Variants in STK32B observed in about 807,000 individuals in gnomAD.
The protein encoded by STK32B is serine/threonine-protein kinase 32B.
Under a neutral mutation model 52.6 loss-of-function variants are expected in STK32B, and 43 were observed. The ratio of observed to expected loss-of-function variants is 0.82; its 90% CI spans 0.64 to 1.05. The LOEUF (loss-of-function observed/expected upper bound fraction) is 1.05. Ranked by LOEUF, STK32B falls within the 50% of genes least tolerant of loss-of-function variation. The pLI is 0.00. For missense variants in STK32B, 621 were observed against 534.6 expected (o/e 1.16, Z -1.59); for synonymous variants, 238 against 204.3 (o/e 1.17, Z -1.41).
At chr4:5,075,863 A>G (rs1712041432) in intron 1 of STK32B, among the ~76,000 whole-genome samples, 2 of 152,174 alleles carry the variant, frequency 1.3e-5, no homozygotes, top group South Asian at 4.1e-4. Flanking sequence ...TACCTTGCAC[A>G]GTGCAGGGGT....
intron 4 of STK32B, among the ~76,000 whole-genome samples, chr4:5,382,490 C>A (rs1189106741): frequency 6.6e-6 from 1 of 152,036 alleles, no homozygotes; most frequent in African/African-American, 2.4e-5. Context: ...CATCTGTGTC[C>A]TCCTTCCCCT....
intron 11 of STK32B, among the ~76,000 whole-genome samples, chr4:5,497,505 C>T (rs546118987): frequency 1.5e-4 from 23 of 152,334 alleles, no homozygotes; most frequent in African/African-American, 5.5e-4. Flanking sequence ...ACCACCTTTC[C>T]CAGTTGCCCT....
At chr4:5,117,889 TC>T (rs1714823383) in intron 1 of STK32B, among the ~76,000 whole-genome samples, 1 of 152,218 alleles carries the variant, frequency 6.6e-6, no homozygotes. Flanking sequence ...CATCCCAGCA[TC>T]CCAGGGATAA....
chr4:5,420,751 G>C (rs1712559487), intron 6 of STK32B, among the ~76,000 whole-genome samples: 1 of 152,172 alleles, frequency 6.6e-6, no homozygotes, highest in Non-Finnish European at 1.5e-5. Context: ...AGAGATGCCA[G>C]GTAAGGGCAG....
rs542421012 is a variant in STK32B, at chr4:5,228,954, C to T, written c.260+60504C>T. On this transcript the variant is annotated intron_variant, in intron 3 of 11. Coordinates refer to ENST00000282908, the MANE Select transcript of STK32B (RefSeq NM_018401.3). ...TGCACTCCAGCTTGGGTGACAAGTG[C>T]GAAACTCCGTCTCAAAAGAAAAAAA... is the stretch of plus-strand genomic sequence containing the variant. 1.8e-4 allele frequency among the ~76,000 whole-genome samples: 28 copies of T among 151,838 alleles called. 1 individual carries two copies. The South Asian group carries it at 4.8e-3, about 26-fold the overall frequency.
chr4:5,022,578 A>G, the STK32B span, among the ~76,000 whole-genome samples: 1 of 152,186 alleles, frequency 6.6e-6, no homozygotes, highest in African/African-American at 2.4e-5. Flanking sequence ...ATTTGCCCAC[A>G]AATCAGGTAA....
intron 4 of STK32B, among the ~76,000 whole-genome samples, chr4:5,340,455 G>A (rs1382490612): frequency 1.3e-5 from 2 of 152,256 alleles, no homozygotes; most frequent in Non-Finnish European, 2.9e-5. Context: ...CCCCAGGTGG[G>A]TGGAGCCTGT....
intron 3 of STK32B, among the ~76,000 whole-genome samples, chr4:5,293,891 A>C (rs1729038095): frequency 6.6e-6 from 1 of 152,108 alleles, no homozygotes; most frequent in Non-Finnish European, 1.5e-5. Flanking sequence ...GGTATTGCCT[A>C]GGTTTTCTTC....
chr4:5,207,992 C>G (rs866799411), intron 3 of STK32B, among the ~76,000 whole-genome samples: 1 of 152,154 alleles, frequency 6.6e-6, no homozygotes. Context: ...ATGGCTGTAT[C>G]TATCAGTCAG....
chr4:5,034,251 T>G, the STK32B span, among the ~76,000 whole-genome samples: 9 of 152,316 alleles, frequency 5.9e-5, no homozygotes, highest in African/African-American at 2.2e-4. Context: ...GAATCAGTCT[T>G]TTGAAAAATG....
chr4:5,160,518 A>T (rs1718356778), intron 2 of STK32B, among the ~76,000 whole-genome samples: 1 of 151,838 alleles, frequency 6.6e-6, no homozygotes, highest in African/African-American at 2.4e-5. Flanking sequence ...GACTGTGCTA[A>T]GGTTCAGGTG....
chr4:5,497,827 G>C (rs1335562655), intron 11 of STK32B, among the ~76,000 whole-genome samples: 1 of 152,158 alleles, frequency 6.6e-6, no homozygotes, highest in East Asian at 1.9e-4. Flanking sequence ...AGGCTTGCTG[G>C]GTGAAACAGC....
At chr4:5,268,536 GTGGT>G (rs1480425743) in intron 3 of STK32B, among the ~76,000 whole-genome samples, 44 of 131,644 alleles carry the variant, frequency 3.3e-4, no homozygotes, top group African/African-American at 1.1e-3. Context: ...GTTGCTTGGT[GTGGT>G]GTGTGTGTGT....
chr4:5,045,184 C>T, the STK32B span, among the ~76,000 whole-genome samples: 1 of 152,244 alleles, frequency 6.6e-6, no homozygotes, highest in Non-Finnish European at 1.5e-5. Context: ...AGTCTTTGAG[C>T]CACCTGCCAG....
chr4:5,201,136 C>T (rs550496495), intron 3 of STK32B, among the ~76,000 whole-genome samples: 1 of 152,244 alleles, frequency 6.6e-6, no homozygotes, highest in Admixed American at 6.5e-5. Context: ...GGTCTCTCTT[C>T]CTTTGTTTTG....
At chr4:5,241,750 T>C (rs1725043007) in intron 3 of STK32B, among the ~76,000 whole-genome samples, 1 of 152,058 alleles carries the variant, frequency 6.6e-6, no homozygotes, top group African/African-American at 2.4e-5. Flanking sequence ...CAACAGTCCC[T>C]GGTGTGTGAT....
chr4:5,310,239 GTAAA>G (rs1026355890), intron 3 of STK32B, among the ~76,000 whole-genome samples: 5 of 152,056 alleles, frequency 3.3e-5, no homozygotes, highest in African/African-American at 1.2e-4. Context: ...AATCAACAGA[GTAAA>G]TAAACAACCT....
chr4:5,046,913 T>C (rs1741629008), upstream of STK32B, among the ~76,000 whole-genome samples: 1 of 152,196 alleles, frequency 6.6e-6, no homozygotes. Flanking sequence ...GTTCAACCAT[T>C]GTGGAAGACA....
At chr4:5,222,806 T>C (rs1000359838) in intron 3 of STK32B, among the ~76,000 whole-genome samples, 6 of 152,180 alleles carry the variant, frequency 3.9e-5, no homozygotes, top group Non-Finnish European at 8.8e-5. Context: ...CCTGGCCATG[T>C]ATACAGTAAA....
Sources: allele counts gnomAD v4.1 joint callset (sites outside exome capture counted in the v4.1 genomes callset), GRCh38; gene constraint gnomAD v4.1.1; transcripts MANE v1.5; gene names NCBI Gene and HGNC (gene_info 2026-07-23, HGNC 2026-07-21).